The following MRPS5 variants were observed in gnomAD, a reference collection of about 807,000 sequenced individuals.
The protein encoded by MRPS5 is mitochondrial ribosomal protein S5, also known as small ribosomal subunit protein uS5m.
In MRPS5, 27 loss-of-function variants were observed where a neutral mutation model predicts 51.9. That is an observed-to-expected ratio of 0.52 (90% CI 0.38 to 0.72). The LOEUF is 0.72. MRPS5 is among the 30% of genes least tolerant of loss of function. The probability of loss-of-function intolerance (pLI) is 0.00; values close to 1 mark genes in which losing one functional copy is unlikely to be tolerated. For missense variants in MRPS5, 570 were observed against 545.7 expected (o/e 1.04, Z -0.44); for synonymous variants, 196 against 193.2 (o/e 1.01, Z -0.12).
chr2:95,088,974 G>A (rs572205890), intron 11 of MRPS5, among the ~76,000 whole-genome samples: 2 of 152,308 alleles, frequency 1.3e-5, no homozygotes, highest in African/African-American at 4.8e-5. Context: ...GGCTGAGGCA[G>A]GAGAATCGCT....
At chr2:95,089,486 G>C (rs769682168) in intron 11 of MRPS5, among the ~76,000 whole-genome samples, 5 of 152,238 alleles carry the variant, frequency 3.3e-5, no homozygotes, top group Non-Finnish European at 7.3e-5. Context: ...CTCCTGGGCA[G>C]GTAGGGGAGC....
At chr2:95,108,899 C>T (rs1009045788) in intron 4 of MRPS5, among the ~76,000 whole-genome samples, 3 of 151,842 alleles carry the variant, frequency 2.0e-5, no homozygotes, top group Non-Finnish European at 4.4e-5. Flanking sequence ...ATATCTATTT[C>T]TTTTTAGCTA....
chr2:95,089,339 A>G (rs1382394294), intron 11 of MRPS5, among the ~76,000 whole-genome samples: 3 of 152,176 alleles, frequency 2.0e-5, no homozygotes, highest in Non-Finnish European at 4.4e-5. Context: ...CCACCACTGT[A>G]CTCCTGAAAT....
In MRPS5 at chr2:95,090,463, C is replaced by G; in HGVS notation, c.991G>C (p.Asp331His). The change falls in exon 11 of 12, where the codon GAC becomes CAC. Residue 331 changes from aspartate to histidine, a missense_variant. Asp to His is a moderately conservative substitution (Grantham distance 81, BLOSUM62 -1). Coordinates refer to ENST00000272418, the MANE Select transcript of MRPS5 (RefSeq NM_031902.5). Reference sequence around the variant, plus strand: ...GACCCAGAGACCTTGGCATACATGTCTTTGATGCCAATGAGCCGGCAGATG... The same window carrying G: ...GACCCAGAGACCTTGGCATACATGTGTTTGATGCCAATGAGCCGGCAGATG... ...ITICRLIGIKDMYAKVSGSIN... is the reference protein window; with the variant it reads ...ITICRLIGIKHMYAKVSGSIN... 1 of 1,614,184 alleles carries G rather than the reference C, an allele frequency of 6.2e-7. No homozygotes were observed. Among genetic ancestry groups the G allele is most frequent in the Non-Finnish European group, 8.5e-7 (1 of 1,180,032 alleles).
At chr2:95,116,500 ACT>A (rs1676288527) in intron 2 of MRPS5, among the ~76,000 whole-genome samples, 1 of 152,338 alleles carries the variant, frequency 6.6e-6, no homozygotes, top group African/African-American at 2.4e-5. Flanking sequence ...CTTAAAATAC[ACT>A]GTTACAACCA....
In MRPS5 at chr2:95,104,658, T is replaced by C; in HGVS notation, c.745A>G (p.Asn249Asp). ...CATTCACCTGCAGCTCCTTTTCCGTTCCCCACAGCCACCAAGACACGGATC... is the reference window on the plus strand; with the variant it reads ...CATTCACCTGCAGCTCCTTTTCCGTCCCCCACAGCCACCAAGACACGGATC... ...KSIRVLVAVG[N>D]GKGAAGFSIG... The change falls in exon 7 of 12, where the codon AAC (asparagine) becomes GAC (aspartate). Residue 249 changes from asparagine (N) to aspartate (D), a missense_variant. Coordinates refer to ENST00000272418, the MANE Select transcript of MRPS5 (RefSeq NM_031902.5). 2 of 1,614,096 alleles carry C rather than the reference T, an allele frequency of 1.2e-6. No homozygotes were observed. The highest frequency in any genetic ancestry group is 1.7e-6 in the Non-Finnish European group (2 of 1,180,000).
In MRPS5 at chr2:95,087,310, C is replaced by A; in HGVS notation, c.*47G>T. On this transcript the variant is annotated 3_prime_UTR_variant, in exon 12 of 12. Coordinates refer to ENST00000272418, the MANE Select transcript of MRPS5 (RefSeq NM_031902.5). ...CCAAGCTGTGAGGGGCTGAGTCTCT[C>A]CTAGGTGCAGGGCAGCACAGGAACT... The A allele has an allele frequency of 1.3e-6, 2 of 1,513,116 alleles. No individual in the cohort carries two copies. The highest frequency in any genetic ancestry group is 2.3e-5 in the South Asian group (2 of 87,862). 93.7% of individuals were successfully genotyped at this position (1,513,116 alleles called of 1,614,324 possible).
chr2:95,090,642 T>C lies in MRPS5; in HGVS notation c.932-120A>G, dbSNP rs1161121481. ...CGGGAAACTGGTTCATATTCTGGTA[T>C]CACCACTTCCTAGTGAGCTGACCCT... On this transcript the variant is annotated intron_variant, in intron 10 of 11. Coordinates refer to ENST00000272418, the MANE Select transcript of MRPS5 (RefSeq NM_031902.5). The C allele has an allele frequency of 6.3e-6, 7 of 1,106,916 alleles. No individual in the cohort carries two copies. The East Asian group carries it at 1.7e-4, about 27-fold the overall frequency. The allele number at this position is 1,106,916 out of a possible 1,614,324, so 68.6% of individuals were successfully genotyped here. A position where few individuals can be genotyped will look rare whatever the true frequency, so the allele number is the denominator to read the frequency against.
chr2:95,101,701 A>T lies in MRPS5; in HGVS notation c.786T>A (p.Thr262=). 1 of 1,601,176 alleles carries T rather than the reference A, an allele frequency of 6.2e-7. No individual in the cohort carries two copies. The highest frequency in any genetic ancestry group is 1.1e-5 in the South Asian group (1 of 87,834). The stretch of plus-strand genomic sequence containing the variant: ...CTTTCCTGAAAGCATCCATCCGATC[A>T]GTAGCTTTCCCAATAGAAAAACCTT... ...GAAGFSIGKA[T]DRMDAFRKAK... The change falls in exon 8 of 12, where the codon ACT becomes ACA. Residue 262 remains threonine (T), a synonymous_variant. Transcript: ENST00000272418.
At chr2:95,098,023 C>T (rs180918112) in intron 10 of MRPS5, among the ~76,000 whole-genome samples, 5 of 152,266 alleles carry the variant, frequency 3.3e-5, no homozygotes, top group African/African-American at 4.8e-5. Flanking sequence ...ACTACCCCAT[C>T]AAAAAGTGGG....
intron 6 of MRPS5, among the ~76,000 whole-genome samples, chr2:95,105,310 G>A (rs1009318527): frequency 5.9e-5 from 9 of 152,198 alleles, no homozygotes; most frequent in African/African-American, 2.2e-4. Flanking sequence ...AGCACTTCGG[G>A]AGGCCGACGC....
intron 1 of MRPS5, 63 bp downstream of exon 1, chr2:95,121,671 C>T: frequency 2.0e-6 from 3 of 1,498,364 alleles, no homozygotes; most frequent in Non-Finnish European, 2.7e-6. Flanking sequence ...TTCTGCAGGC[C>T]CCAGGCGAGC....
chr2:95,119,271 C>T (rs1237811755), intron 1 of MRPS5, among the ~76,000 whole-genome samples: 8 of 152,104 alleles, frequency 5.3e-5, no homozygotes. Flanking sequence ...GCTTCTTATT[C>T]ATGAGGGAAA....
intron 7 of MRPS5, 62 bp downstream of exon 7, chr2:95,104,578 G>A: frequency 6.4e-7 from 1 of 1,552,832 alleles, no homozygotes; most frequent in Non-Finnish European, 8.9e-7. Context: ...TCCACAGCAT[G>A]GCCCGTGCCA....
At chr2:95,106,364 GC>G in intron 6 of MRPS5, 58 bp downstream of exon 6, 1 of 741,216 alleles carries the variant, frequency 1.3e-6, no homozygotes, top group Admixed American at 1.9e-5. Context: ...CCCTGTCCCT[GC>G]CCCACCCACC....
chr2:95,094,621 A>G (rs943176933), intron 10 of MRPS5, among the ~76,000 whole-genome samples: 6 of 152,236 alleles, frequency 3.9e-5, no homozygotes, highest in African/African-American at 1.4e-4. Flanking sequence ...TTTCATATCC[A>G]GCCAAACTAA....
intron 10 of MRPS5, chr2:95,093,010 T>C (rs1675512841): frequency 6.6e-6 from 1 of 152,198 alleles, no homozygotes; most frequent in Non-Finnish European, 1.5e-5. Context: ...CTAAATACTG[T>C]GTCTTTCCAA....
chr2:95,115,128 C>T lies in MRPS5; in HGVS notation c.215G>A (p.Cys72Tyr), dbSNP rs144545594. ...CATCAGGTGACTGGGAGAAGAAATACAGCATTGTGTCTGCAGTGCACGGCT... is the reference window on the plus strand; with the variant it reads ...CATCAGGTGACTGGGAGAAGAAATATAGCATTGTGTCTGCAGTGCACGGCT... ...SLSRALQTQC[C>Y]ISSPSHLMSQ... The change falls in exon 3 of 12, where the codon TGT (cysteine) becomes TAT (tyrosine). Residue 72 changes from cysteine (C) to tyrosine (Y), a missense_variant. Transcript: ENST00000272418. 1 of 1,612,598 alleles carries T rather than the reference C, an allele frequency of 6.2e-7. No homozygotes were observed. The highest frequency in any genetic ancestry group is 8.5e-7 in the Non-Finnish European group (1 of 1,179,682).
At chr2:95,107,108 C>T (rs1192065339) in intron 5 of MRPS5, among the ~76,000 whole-genome samples, 1 of 152,136 alleles carries the variant, frequency 6.6e-6, no homozygotes, top group Non-Finnish European at 1.5e-5. Flanking sequence ...TTCAATCAAA[C>T]AAAAATAGAA....
Sources: allele counts gnomAD v4.1 joint callset (sites outside exome capture counted in the v4.1 genomes callset), GRCh38; gene constraint gnomAD v4.1.1; transcripts MANE v1.5; gene names NCBI Gene and HGNC (gene_info 2026-07-23, HGNC 2026-07-21).